DOCK3: variants seen among roughly 807,000 people sequenced by gnomAD.
The protein encoded by DOCK3 is dedicator of cytokinesis 3.
DOCK3 carries 60 observed loss-of-function variants against 265.6 expected under a neutral mutation model. The observed-to-expected ratio is 0.23, with a 90% CI of 0.18 to 0.28. The LOEUF is 0.28. Ranked by LOEUF, DOCK3 falls within the 10% of genes least tolerant of loss-of-function variation. The pLI is 1.00. For synonymous variants in DOCK3, 881 were observed against 938.0 expected (o/e 0.94, Z 1.11); for missense variants, 1,981 against 2,594.3 (o/e 0.76, Z 5.14).
intron 3 of DOCK3, chr3:50,877,429 T>A: frequency 1.9e-6 from 1 of 520,064 alleles, no homozygotes; most frequent in Non-Finnish European, 3.8e-6. Context: ...CCCAGAAATC[T>A]GTGTGCTTTC....
chr3:50,892,940 A>T (rs76738001), intron 4 of DOCK3, among the ~76,000 whole-genome samples: 165 of 152,218 alleles, frequency 1.1e-3, no homozygotes, highest in African/African-American at 3.9e-3. Context: ...GGAATTTTAG[A>T]GTACTGCCAC....
chr3:51,001,624 A>G (rs1228519942), intron 5 of DOCK3, among the ~76,000 whole-genome samples: 1 of 152,166 alleles, frequency 6.6e-6, no homozygotes, highest in Non-Finnish European at 1.5e-5. Context: ...TACCGTGTGT[A>G]TGTATTATGT....
chr3:51,320,841 TA>T (rs1336414816), intron 32 of DOCK3, among the ~76,000 whole-genome samples: 4 of 151,820 alleles, frequency 2.6e-5, no homozygotes, highest in South Asian at 2.1e-4. Context: ...GGCTTATAGA[TA>T]AAACCCCCAT....
At chr3:51,272,478 G>A (rs1269045912) in intron 24 of DOCK3, among the ~76,000 whole-genome samples, 13 of 143,868 alleles carry the variant, frequency 9.0e-5, no homozygotes, top group Admixed American at 7.0e-4. Flanking sequence ...TAGTAGAGAC[G>A]GGGTTTCACC....
In DOCK3 at chr3:51,366,141, A is replaced by G. The variant is rs552388677; in HGVS notation, c.5293+3467A>G. 2.0e-5 allele frequency among the ~76,000 whole-genome samples: 3 copies of G among 152,200 alleles called. No homozygotes were observed. In the East Asian group the frequency reaches 5.8e-4, roughly 29 times the overall value. Reference sequence around the variant, plus strand: ...TTGGACTTTTTTTGGTTGGGAGGCTATTAATTATTGCCTCAATTTCAGAAC... The same window carrying G: ...TTGGACTTTTTTTGGTTGGGAGGCTGTTAATTATTGCCTCAATTTCAGAAC... On this transcript the variant is annotated intron_variant, in intron 49 of 52. Transcript: ENST00000266037.
intron 3 of DOCK3, among the ~76,000 whole-genome samples, chr3:50,859,110 G>A (rs572828504): frequency 2.1e-4 from 31 of 150,928 alleles, no homozygotes; most frequent in African/African-American, 5.8e-4. Context: ...CCTGACTCTC[G>A]ATTATTTTTG....
intron 5 of DOCK3, among the ~76,000 whole-genome samples, chr3:50,955,545 G>C (rs1196050243): frequency 6.6e-6 from 1 of 152,132 alleles, no homozygotes; most frequent in Non-Finnish European, 1.5e-5. Flanking sequence ...AACATGGATG[G>C]AGCTGTAAGT....
rs5848918 is a variant in DOCK3, at chr3:51,220,656, CAAAA to C, written c.1253-4981_1253-4978del. Among the ~76,000 whole-genome samples the C allele has an allele frequency of 4.8e-4, 48 of 99,772 alleles. 1 individual carries two copies. Among genetic ancestry groups the C allele is most frequent in the African/African-American group, 1.8e-3 (39 of 21,630 alleles). The allele number at this position is 99,772 out of a possible 152,430, so 65.5% of individuals were successfully genotyped here. A position where few individuals can be genotyped will look rare whatever the true frequency, so the allele number is the denominator to read the frequency against. On this transcript the variant is annotated intron_variant, in intron 14 of 52. Transcript: ENST00000266037. ...TTGGCAACAGAGCAAGACTCCATCT[CAAAA>C]AAAAAAAAAAATATATATATATATA...
intron 40 of DOCK3, among the ~76,000 whole-genome samples, chr3:51,353,360 C>T (rs1181349595): frequency 1.3e-5 from 2 of 152,048 alleles, no homozygotes; most frequent in African/African-American, 4.8e-5. Flanking sequence ...GCCTGTAATC[C>T]GAGCACTTGG....
chr3:50,713,283 T>C (rs558880581), intron 1 of DOCK3, among the ~76,000 whole-genome samples: 83 of 152,178 alleles, frequency 5.5e-4, no homozygotes, highest in Non-Finnish European at 1.1e-3. Flanking sequence ...TGCCCCAGGG[T>C]GAAGATAAAT....
chr3:50,757,060 T>A (rs2040201902), intron 1 of DOCK3, among the ~76,000 whole-genome samples: 1 of 151,820 alleles, frequency 6.6e-6, no homozygotes, highest in Non-Finnish European at 1.5e-5. Context: ...GCCATATTGC[T>A]CAGGCTGATC....
At chr3:50,925,120 T>C (rs34786937) in intron 4 of DOCK3, among the ~76,000 whole-genome samples, 14,364 of 152,222 alleles carry the variant, frequency 0.094, 839 homozygotes, top group Non-Finnish European at 0.12. Context: ...TTATCTTAAT[T>C]TTAATGAAAA....
In DOCK3 at chr3:50,675,072, G is replaced by A. The variant is rs961317362; in HGVS notation, c.-192G>A. 7 of 204,578 alleles carry A rather than the reference G, an allele frequency of 3.4e-5. No individual in the cohort carries two copies. The highest frequency in any genetic ancestry group is 6.0e-5 in the Non-Finnish European group (7 of 116,280). 12.7% of individuals were successfully genotyped at this position (204,578 alleles called of 1,614,324 possible). A position where few individuals can be genotyped will look rare whatever the true frequency, so the allele number is the denominator to read the frequency against. The stretch of plus-strand genomic sequence containing the variant: ...GCCAGGGGCTGCTGGGCCACCCGCG[G>A]AGCCTCGCGGTCCAGACGTGGCGGG... On this transcript the variant is annotated 5_prime_UTR_variant, in exon 1 of 53. Transcript: ENST00000266037. This position sits in a 1 kb window ranked among gnomAD's most constrained non-coding sequence, Gnocchi z 6.1.
chr3:50,909,950 T>A (rs1236228416), intron 4 of DOCK3, among the ~76,000 whole-genome samples: 2 of 152,080 alleles, frequency 1.3e-5, no homozygotes, highest in East Asian at 3.9e-4. Context: ...CTTGTCTGCC[T>A]GTATTATTTC....
chr3:51,012,247 G>A (rs562883680), intron 5 of DOCK3, among the ~76,000 whole-genome samples: 1 of 152,306 alleles, frequency 6.6e-6, no homozygotes, highest in East Asian at 1.9e-4. Context: ...GCCCACAGAG[G>A]TGGAGTCTAC....
At chr3:51,263,660 T>C (rs2079990225) in intron 23 of DOCK3, among the ~76,000 whole-genome samples, 2 of 152,212 alleles carry the variant, frequency 1.3e-5, no homozygotes, top group African/African-American at 4.8e-5. Flanking sequence ...ATCAGTGTGT[T>C]GTATTCAGGA....
intron 27 of DOCK3, among the ~76,000 whole-genome samples, chr3:51,309,720 G>A (rs1034228130): frequency 1.3e-5 from 2 of 152,204 alleles, no homozygotes; most frequent in Non-Finnish European, 2.9e-5. Flanking sequence ...TTCTTGGATT[G>A]TCACAAGCCT....
intron 32 of DOCK3, among the ~76,000 whole-genome samples, chr3:51,324,125 A>G (rs1383586962): frequency 2.0e-5 from 3 of 152,226 alleles, no homozygotes; most frequent in Non-Finnish European, 4.4e-5. Flanking sequence ...GGAAGAGAGG[A>G]AGTCAAATTG....
intron 23 of DOCK3, among the ~76,000 whole-genome samples, chr3:51,262,123 A>G (rs1215789043): frequency 6.6e-6 from 1 of 152,170 alleles, no homozygotes; most frequent in Non-Finnish European, 1.5e-5. Context: ...TGACTGGGAG[A>G]CATCTCCCAG....
Sources: gnomAD v4.1 joint callset for allele counts (sites outside exome capture counted in the v4.1 genomes callset) on GRCh38, gnomAD v4.1.1 for gene constraint, Gnocchi (gnomAD v3.1) non-coding constraint, MANE v1.5 for transcripts, NCBI Gene and HGNC (gene_info 2026-07-23, HGNC 2026-07-21) for gene names.